SRFBP1: variants seen among roughly 807,000 people sequenced by gnomAD.
The protein encoded by SRFBP1 is serum response factor-binding protein 1.
Under a neutral mutation model 45.5 loss-of-function variants are expected in SRFBP1, and 47 were observed. The ratio of observed to expected loss-of-function variants is 1.03; its 90% CI spans 0.82 to 1.32. The LOEUF is 1.32. Among genes scored for constraint, SRFBP1 ranks in the 40% most tolerant of loss-of-function variants. The pLI is 0.00. For synonymous variants in SRFBP1, 203 were observed against 166.3 expected, an observed-to-expected ratio of 1.22 and a Z score of -1.70; for missense variants, 621 against 484.6, an observed-to-expected ratio of 1.28 and a Z score of -2.64.
At chr5:122,047,986 T>G (rs1416650080) in intron 2 of SRFBP1, among the ~76,000 whole-genome samples, 2 of 152,206 alleles carry the variant, frequency 1.3e-5, no homozygotes, top group African/African-American at 4.8e-5. Context: ...TCATGTCATC[T>G]GCAAACAGGG....
At chr5:122,014,016 C>CG (rs1394159259) in intron 4 of SRFBP1, among the ~76,000 whole-genome samples, 1 of 151,904 alleles carries the variant, frequency 6.6e-6, no homozygotes, top group African/African-American at 2.4e-5. Context: ...TCAAAATAGC[C>CG]AAAAGAGAGG....
At chr5:122,010,475 C>T (rs1475533994) in intron 4 of SRFBP1, among the ~76,000 whole-genome samples, 2 of 152,076 alleles carry the variant, frequency 1.3e-5, no homozygotes, top group African/African-American at 4.8e-5. Context: ...AAAGCAGACC[C>T]AGTGGCTTAG....
chr5:122,048,062 C>G (rs1031089060), intron 2 of SRFBP1, among the ~76,000 whole-genome samples: 1 of 152,052 alleles, frequency 6.6e-6, no homozygotes, highest in Non-Finnish European at 1.5e-5. Flanking sequence ...GATTGCCCTG[C>G]CCGGAACTTC....
At chr5:122,070,000 T>G in intron 2 of SRFBP1, 1 of 1,285,392 alleles carries the variant, frequency 7.8e-7, no homozygotes, top group Non-Finnish European at 1.1e-6. Context: ...ATGTTTGGCA[T>G]GAACAAAAAT....
intron 2 of SRFBP1, among the ~76,000 whole-genome samples, chr5:122,051,796 T>A (rs1324025812): frequency 1.3e-5 from 2 of 152,186 alleles, no homozygotes; most frequent in Non-Finnish European, 2.9e-5. Flanking sequence ...CCTGTCATCA[T>A]GTTCTTAGCT....
intron 4 of SRFBP1, among the ~76,000 whole-genome samples, chr5:121,995,396 A>G (rs1427184282): frequency 6.6e-6 from 1 of 152,208 alleles, no homozygotes; most frequent in Non-Finnish European, 1.5e-5. Context: ...AAGCTGAACA[A>G]CCTGCTCCTG....
chr5:122,050,399 T>TA (rs1209159874), intron 2 of SRFBP1, among the ~76,000 whole-genome samples: 2 of 152,128 alleles, frequency 1.3e-5, no homozygotes, highest in Non-Finnish European at 2.9e-5. Context: ...GGTTGGTTTT[T>TA]ATTACTGATT....
intron 2 of SRFBP1, among the ~76,000 whole-genome samples, chr5:122,058,362 A>C (rs1181131998): frequency 6.6e-6 from 1 of 152,102 alleles, no homozygotes; most frequent in Non-Finnish European, 1.5e-5. Context: ...TTACATAATT[A>C]GTTTTTTGGA....
At chr5:122,054,761 A>G (rs944584642) in intron 2 of SRFBP1, among the ~76,000 whole-genome samples, 1 of 152,196 alleles carries the variant, frequency 6.6e-6, no homozygotes, top group African/African-American at 2.4e-5. Flanking sequence ...TTTTATATTC[A>G]TAAATGTAAG....
chr5:122,059,299 T>C (rs1754134358), intron 2 of SRFBP1, among the ~76,000 whole-genome samples: 2 of 152,092 alleles, frequency 1.3e-5, no homozygotes, highest in South Asian at 4.2e-4. Context: ...TTTCTTGAGG[T>C]TGGAGGTCTG....
At chr5:122,056,520 A>G (rs1460845958) in intron 2 of SRFBP1, among the ~76,000 whole-genome samples, 1 of 152,162 alleles carries the variant, frequency 6.6e-6, no homozygotes, top group Non-Finnish European at 1.5e-5. Flanking sequence ...ACTTACATAG[A>G]ATTAAAAGTT....
intron 3 of SRFBP1, among the ~76,000 whole-genome samples, chr5:121,983,147 T>G (rs924397109): frequency 2.0e-5 from 3 of 150,592 alleles, no homozygotes; most frequent in African/African-American, 7.3e-5. Context: ...TGATGTTCTT[T>G]TTGTTTTTTT....
chr5:122,077,518 G>C, downstream of SRFBP1: 1 of 1,613,834 alleles, frequency 6.2e-7, no homozygotes, highest in Non-Finnish European at 8.5e-7. The surrounding 1 kb of genome is among the most constrained non-coding windows in gnomAD (Gnocchi z 4.9). Flanking sequence ...GCGGCCGCAG[G>C]TTACTGAGCG....
At chr5:122,041,266 A>G (rs950008942) in intron 2 of SRFBP1, among the ~76,000 whole-genome samples, 1 of 152,144 alleles carries the variant, frequency 6.6e-6, no homozygotes, top group Non-Finnish European at 1.5e-5. Context: ...CCCTAAGGAA[A>G]GTATGGTAGA....
At chr5:122,070,761 ACCTCCAGCT>A in intron 2 of SRFBP1, 1 of 465,428 alleles carries the variant, frequency 2.1e-6, no homozygotes, top group Non-Finnish European at 3.8e-6. Flanking sequence ...GCCTTATAGC[ACCTCCAGCT>A]AAAAAAGATA....
At chr5:122,026,186 C>G (rs139377196) in intron 7 of SRFBP1, among the ~76,000 whole-genome samples, 65 of 152,228 alleles carry the variant, frequency 4.3e-4, no homozygotes, top group Admixed American at 1.1e-3. Context: ...GTTTTTTTGT[C>G]TCTCTTTTTC....
chr5:122,064,733 A>G (rs1047183122), intron 2 of SRFBP1: 8 of 152,088 alleles, frequency 5.3e-5, no homozygotes, highest in African/African-American at 1.9e-4. Flanking sequence ...TTATGTCTCA[A>G]TGCATACCAT....
intron 3 of SRFBP1, among the ~76,000 whole-genome samples, chr5:121,993,961 A>C (rs1286937130): frequency 6.6e-6 from 1 of 151,948 alleles, no homozygotes; most frequent in Non-Finnish European, 1.5e-5. Context: ...GATGGAGCCT[A>C]CTGTTACTGT....
intron 2 of SRFBP1, among the ~76,000 whole-genome samples, chr5:122,054,979 A>G (rs1449828311): frequency 6.6e-6 from 1 of 152,244 alleles, no homozygotes; most frequent in Non-Finnish European, 1.5e-5. Flanking sequence ...CACACAGCCA[A>G]TAAGTGATGA....
Sources: gnomAD v4.1 joint callset for allele counts (sites outside exome capture counted in the v4.1 genomes callset) on GRCh38, gnomAD v4.1.1 for gene constraint, Gnocchi (gnomAD v3.1) non-coding constraint, MANE v1.5 for transcripts, NCBI Gene and HGNC (gene_info 2026-07-23, HGNC 2026-07-21) for gene names.